RNF207: variants seen among roughly 807,000 people sequenced by gnomAD.
The protein encoded by RNF207 is ring finger protein 207.
RNF207 carries 72 observed loss-of-function variants against 79.0 expected under a neutral mutation model. That is an observed-to-expected ratio of 0.91 (90% CI 0.75 to 1.11). The LOEUF (loss-of-function observed/expected upper bound fraction) is 1.11. Ranked by LOEUF, RNF207 falls within the 50% of genes least tolerant of loss-of-function variation. RNF207 has a pLI of 0.00. For synonymous variants in RNF207, 348 were observed against 366.2 expected (o/e 0.95, Z 0.57); for missense variants, 936 against 855.8 (o/e 1.09, Z -1.17).
Position 6,210,397 on chromosome 1 carries a change from C to T in RNF207, c.901C>T (p.Leu301Phe), listed in dbSNP as rs761093083. 1.9e-6 allele frequency: 3 copies of T among 1,613,700 alleles called. No homozygotes were observed. The highest frequency in any genetic ancestry group is 2.7e-5 in the African/African-American group (2 of 74,914). The change falls in exon 10 of 18, where the codon CTC (leucine) becomes TTC (phenylalanine). Residue 301 changes from leucine (L) to phenylalanine (F), a missense_variant. Physicochemically the swap from Leu to Phe is conservative, Grantham distance 22. Coordinates refer to ENST00000377939, the MANE Select transcript of RNF207 (RefSeq NM_207396.3). Reference sequence around the variant, plus strand: ...CCACCTGGTCATCTGCTCCTCCTTCCTCAGCTTGGCCAACAAGGCTGAGTT... The same window carrying T: ...CCACCTGGTCATCTGCTCCTCCTTCTTCAGCTTGGCCAACAAGGCTGAGTT... ...QVHLVICSSF[L>F]SLANKAEFLD...
rs1405350341 is a variant in RNF207, at chr1:6,219,285, A to C, written c.1783A>C (p.Lys595Gln). 4 of 1,613,756 alleles carry C rather than the reference A, an allele frequency of 2.5e-6. No individual in the cohort carries two copies. In the East Asian group the frequency reaches 6.7e-5, roughly 27 times the overall value. ...PEKREKTSEP[K>Q]GNSWAPNGLS... is the part of the protein sequence containing the mutation. The stretch of plus-strand genomic sequence containing the variant: ...AAAGAGAGAGAAGACATCAGAGCCT[A>C]AAGGAAACAGCTGGGCTCCGAACGG... Residue 595 changes from lysine to glutamine, a missense_variant, in exon 18 of 18, where the codon AAA becomes CAA. Transcript: ENST00000377939.
chr1:6,213,269 C>A, intron 16 of RNF207, 86 bp downstream of exon 16: 1 of 841,280 alleles, frequency 1.2e-6, no homozygotes, highest in Non-Finnish European at 1.9e-6. Context: ...GCCTGTAATC[C>A]TAACACTTCG....
In RNF207 at chr1:6,206,392, A is replaced by G. The variant is rs556727314; in HGVS notation, c.-1+90A>G. The G allele has an allele frequency of 4.9e-6, 3 of 616,004 alleles. No homozygotes were observed. The Admixed American group carries it at 9.0e-5, about 18-fold the overall frequency. The allele number at this position is 616,004 out of a possible 1,614,324, so 38.2% of individuals were successfully genotyped here. A position where few individuals can be genotyped will look rare whatever the true frequency, so the allele number is the denominator to read the frequency against. Reference sequence around the variant, plus strand: ...AGGCCCCAGCCCTAACCTGGGCCCTAGCGGCTCCCCACTCCATGACCTCTG... The same window carrying G: ...AGGCCCCAGCCCTAACCTGGGCCCTGGCGGCTCCCCACTCCATGACCTCTG... On this transcript the variant is annotated intron_variant, in intron 1 of 17. Transcript: ENST00000377939.
chr1:6,216,067 G>A (rs1187028428), intron 16 of RNF207, among the ~76,000 whole-genome samples: 1 of 152,174 alleles, frequency 6.6e-6, no homozygotes, highest in Non-Finnish European at 1.5e-5. Flanking sequence ...CCTGTCTGTG[G>A]AGCATCTGTA....
chr1:6,210,182 G>C (rs374119368), intron 8 of RNF207, 41 bp from the exon 9 acceptor site: 331 of 1,563,020 alleles, frequency 2.1e-4, no homozygotes, highest in Non-Finnish European at 2.7e-4. Context: ...GCCCGGCCCT[G>C]CTCCTGGCCC....
rs1370615510 is a variant in RNF207 at position 6,213,166 on chromosome 1, G to A, written c.1635G>A (p.Lys545=). The A allele has an allele frequency of 6.2e-7, 1 of 1,611,658 alleles. No homozygotes were observed. The highest frequency in any genetic ancestry group is 8.5e-7 in the Non-Finnish European group (1 of 1,178,510). ...TPYVRSIAKV[K]ERLEPRFQAP... is the part of the protein sequence containing the mutation. ...ACGTCCGCTCCATTGCCAAGGTGAA[G>A]GAGCGGCTGGAGCCCAGGTGAGGCC... is the stretch of plus-strand genomic sequence containing the variant. The change falls in exon 16 of 18, where the codon AAG becomes AAA. Residue 545 remains lysine (K), a synonymous_variant. Coordinates refer to ENST00000377939, the MANE Select transcript of RNF207 (RefSeq NM_207396.3).
chr1:6,212,402 G>T lies in RNF207; in HGVS notation c.1468G>T (p.Val490Phe), dbSNP rs1342483972. 1.9e-6 allele frequency: 3 copies of T among 1,609,930 alleles called. No individual in the cohort carries two copies. Among genetic ancestry groups the T allele is most frequent in the Admixed American group, 1.7e-5 (1 of 59,398 alleles). Residue 490 changes from valine (V) to phenylalanine (F), a missense_variant, in exon 14 of 18, where the codon GTC becomes TTC. Coordinates refer to ENST00000377939, the MANE Select transcript of RNF207 (RefSeq NM_207396.3). ...GCACGCCTCCTTAGAGGGCATGAGG[G>T]TCGTCTTCCAGGAGGTAGCCCTCCC... ...SEHASLEGMRVVFQEIWEEAY... is the reference protein window; with the variant it reads ...SEHASLEGMRFVFQEIWEEAY...
chr1:6,211,831 C>CCCA lies in RNF207; in HGVS notation c.1110-33_1110-31dup. The CCCA allele has an allele frequency of 6.7e-7, 1 of 1,498,368 alleles. No homozygotes were observed. The highest frequency in any genetic ancestry group is 9.0e-7 in the Non-Finnish European group (1 of 1,105,312). 92.8% of individuals were successfully genotyped at this position (1,498,368 alleles called of 1,614,324 possible). On this transcript the variant is annotated intron_variant, in intron 12 of 17. Transcript: ENST00000377939. The surrounding 1 kb of genome is among the most constrained non-coding windows in gnomAD (Gnocchi z 4.2). ...GGAGGCTGGGGGAGGGGCAGACTTC[C>CCCA]CCACCCCCCTGCATCCACACTGGCT...
intron 3 of RNF207, 31 bp from the exon 4 acceptor site, chr1:6,208,850 T>G (rs921483576): frequency 4.6e-6 from 7 of 1,515,690 alleles, no homozygotes; most frequent in Admixed American, 2.1e-5. Context: ...GGTCGGGCTC[T>G]GGCGCTCCTG....
chr1:6,215,686 A>G (rs781275842), intron 16 of RNF207, among the ~76,000 whole-genome samples: 9 of 152,034 alleles, frequency 5.9e-5, no homozygotes, highest in Admixed American at 3.3e-4. Context: ...TGTTTGAGAC[A>G]GTCTCGCTCT....
intron 16 of RNF207, among the ~76,000 whole-genome samples, chr1:6,213,555 G>A (rs1343679623): frequency 4.6e-5 from 7 of 152,084 alleles, no homozygotes; most frequent in Non-Finnish European, 8.8e-5. Flanking sequence ...AGGTCATTAG[G>A]GTTCCTTTGG....
At position 6,218,347 on chromosome 1, in the gene RNF207, AG is replaced by A. The variant is rs748351452; in HGVS notation, c.1713del (p.Asn572ThrfsTer39). The A allele has an allele frequency of 3.1e-6, 5 of 1,613,968 alleles. No individual in the cohort carries two copies. The highest frequency in any genetic ancestry group is 2.2e-5 in the East Asian group (1 of 44,874). On this transcript the variant is annotated frameshift_variant, in exon 17 of 18. Coordinates refer to ENST00000377939, the MANE Select transcript of RNF207 (RefSeq NM_207396.3). LOFTEE classifies it low-confidence loss of function (END_TRUNC). ...ESLQNTHDDS[R>X]NNAASARNNP... ...TCTACAGAACACGCACGACGACAGC[AG>A]GAACAACGCGGCCTCAGCCAGGTAA... is the stretch of plus-strand genomic sequence containing the variant.
In RNF207 at chr1:6,209,498, G is replaced by A; in HGVS notation, c.712G>A (p.Glu238Lys). The change falls in exon 7 of 18, where the codon GAG becomes AAG. Residue 238 changes from glutamate to lysine, a missense_variant. Glu to Lys is a moderately conservative substitution (Grantham distance 56). Coordinates refer to ENST00000377939, the MANE Select transcript of RNF207 (RefSeq NM_207396.3). ...MVEEVRHSAA[E>K]EEDAIHALFG... is the part of the protein sequence containing the mutation. ...GGAGGAGGTGCGGCACAGCGCCGCC[G>A]AGGAGGAGGACGCTATCCACGCCCT... 1 of 1,477,828 alleles carries A rather than the reference G, an allele frequency of 6.8e-7. No individual in the cohort carries two copies. The highest frequency in any genetic ancestry group is 8.9e-7 in the Non-Finnish European group (1 of 1,123,158). 91.5% of individuals were successfully genotyped at this position (1,477,828 alleles called of 1,614,324 possible).
At position 6,206,607 on chromosome 1, in the gene RNF207, G is replaced by T. The variant is rs776958302; in HGVS notation, c.72G>T (p.Val24=). 5.6e-6 allele frequency: 9 copies of T among 1,606,710 alleles called. No individual in the cohort carries two copies. The highest frequency in any genetic ancestry group is 6.8e-6 in the Non-Finnish European group (8 of 1,179,752). ...ATGCCCCGAGCATCCACCCGCTGGT[G>T]TGCCCGCTGTGCCACGTGCAGTACG... The part of the protein sequence containing the change: ...SLDAPSIHPL[V]CPLCHVQYER... The change falls in exon 2 of 18, where the codon GTG becomes GTT. Residue 24 remains valine (V), a synonymous_variant. Transcript: ENST00000377939.
In RNF207 at chr1:6,211,407, C is replaced by A. The variant is rs1037212856; in HGVS notation, c.1109+289C>A. Among the ~76,000 whole-genome samples, 2 of 152,150 alleles carry A rather than the reference C, an allele frequency of 1.3e-5. No individual in the cohort carries two copies. The highest frequency in any genetic ancestry group is 2.4e-5 in the African/African-American group (1 of 41,444). On this transcript the variant is annotated intron_variant, in intron 12 of 17. Transcript: ENST00000377939. This position sits in a 1 kb window ranked among gnomAD's most constrained non-coding sequence, Gnocchi z 4.2. The stretch of plus-strand genomic sequence containing the variant: ...AGGCCCCCAACTACCACTGCAGCCT[C>A]CCCTGGGGTGGGGCGCCTGGGGCTG...
chr1:6,219,239 T>G lies in RNF207; in HGVS notation c.1737T>G (p.Asn579Lys), dbSNP rs2100949938. Residue 579 changes from asparagine (N) to lysine (K), a missense_variant, in exon 18 of 18, where the codon AAT becomes AAG. By Grantham distance (94) the Asn-to-Lys change is moderately conservative. Transcript: ENST00000377939. ...DSRNNAASAR[N>K]NPGSVPEKRE... Reference sequence around the variant, plus strand: ...TTACATGAGGCTGTCCCTTTAGGAATAATCCAGGAAGTGTCCCGGAAAAGA... The same window carrying G: ...TTACATGAGGCTGTCCCTTTAGGAAGAATCCAGGAAGTGTCCCGGAAAAGA... 6.2e-7 allele frequency: 1 copy of G among 1,606,770 alleles called. No individual in the cohort carries two copies. The highest frequency in any genetic ancestry group is 2.2e-5 in the East Asian group (1 of 44,770).
chr1:6,209,520 C>G lies in RNF207; in HGVS notation c.734C>G (p.Ala245Gly). 1 of 1,468,490 alleles carries G rather than the reference C, an allele frequency of 6.8e-7. No homozygotes were observed. The highest frequency in any genetic ancestry group is 1.4e-5 in the South Asian group (1 of 69,934). 91.0% of individuals were successfully genotyped at this position (1,468,490 alleles called of 1,614,324 possible). Residue 245 changes from alanine (A) to glycine (G), a missense_variant, in exon 7 of 18, where the codon GCC becomes GGC. By Grantham distance (60) the Ala-to-Gly change is moderately conservative (BLOSUM62 0). Coordinates refer to ENST00000377939, the MANE Select transcript of RNF207 (RefSeq NM_207396.3). ...GCCGAGGAGGAGGACGCTATCCACGCCCTCTTCGGCAGCATGCAGGTGAGG... is the reference window on the plus strand; with the variant it reads ...GCCGAGGAGGAGGACGCTATCCACGGCCTCTTCGGCAGCATGCAGGTGAGG... Reference protein sequence around the residue: ...SAAEEEDAIHALFGSMQDRLA... With the variant: ...SAAEEEDAIHGLFGSMQDRLA...
In RNF207 at chr1:6,217,344, G is replaced by A. The variant is rs746432921; in HGVS notation, c.1653-945G>A. Among the ~76,000 whole-genome samples the A allele has an allele frequency of 1.3e-5, 2 of 152,050 alleles. No individual in the cohort carries two copies. Among genetic ancestry groups the A allele is most frequent in the Non-Finnish European group, 2.9e-5 (2 of 68,014 alleles). The stretch of plus-strand genomic sequence containing the variant: ...TCTCCACAGCCTACGCTCACTCCTT[G>A]GGCGACCTCATTCAGTCCCTGGCTT... On this transcript the variant is annotated intron_variant, in intron 16 of 17. Coordinates refer to ENST00000377939, the MANE Select transcript of RNF207 (RefSeq NM_207396.3). This position sits in a 1 kb window ranked among gnomAD's most constrained non-coding sequence, Gnocchi z 4.2.
chr1:6,207,360 G>A lies in RNF207; in HGVS notation c.192-19G>A. 2 of 1,502,046 alleles carry A rather than the reference G, an allele frequency of 1.3e-6. No homozygotes were observed. Among genetic ancestry groups the A allele is most frequent in the African/African-American group, 1.4e-5 (1 of 71,550 alleles). The allele number at this position is 1,502,046 out of a possible 1,614,324, so 93.0% of individuals were successfully genotyped here. A position where few individuals can be genotyped will look rare whatever the true frequency, so the allele number is the denominator to read the frequency against. On this transcript the variant is annotated intron_variant, in intron 2 of 17. Transcript: ENST00000377939. The surrounding 1 kb of genome is among the most constrained non-coding windows in gnomAD (Gnocchi z 4.5). Reference sequence around the variant, plus strand: ...TGGGGAAGGGGTATCAGAATCTCGGGGCCTGGGCTTCTCTGCAGACACCAG... The same window carrying A: ...TGGGGAAGGGGTATCAGAATCTCGGAGCCTGGGCTTCTCTGCAGACACCAG...
Sources: gnomAD v4.1 joint callset for allele counts (sites outside exome capture counted in the v4.1 genomes callset) on GRCh38, gnomAD v4.1.1 for gene constraint, Gnocchi (gnomAD v3.1) non-coding constraint, MANE v1.5 for transcripts, NCBI Gene and HGNC (gene_info 2026-07-23, HGNC 2026-07-21) for gene names.